CDH18: variants seen among roughly 807,000 people sequenced by gnomAD.
CDH18 encodes cadherin-18.
CDH18 carries 31 observed loss-of-function variants against 67.9 expected under a neutral mutation model. The observed-to-expected ratio is 0.46, with a 90% CI of 0.34 to 0.62. The LOEUF (loss-of-function observed/expected upper bound fraction) is 0.62. CDH18 is among the 20% of genes least tolerant of loss of function. The pLI is 0.01. For missense variants in CDH18, 890 were observed against 975.5 expected (o/e 0.91, Z 1.17); for synonymous variants, 362 against 347.2 (o/e 1.04, Z -0.48).
chr5:20,359,276 A>G (rs1343280344), intron 1 of CDH18, among the ~76,000 whole-genome samples: 1 of 151,984 alleles, frequency 6.6e-6, no homozygotes, highest in Non-Finnish European at 1.5e-5. Flanking sequence ...TAATATCTCT[A>G]CTATTCACAT....
chr5:20,173,990 T>C (rs1737040736), intron 2 of CDH18, among the ~76,000 whole-genome samples: 1 of 152,114 alleles, frequency 6.6e-6, no homozygotes, highest in Non-Finnish European at 1.5e-5. Flanking sequence ...AAATTATATT[T>C]ACCACTTTAG....
chr5:20,151,474 T>C (rs1479746220), intron 2 of CDH18, among the ~76,000 whole-genome samples: 1 of 152,112 alleles, frequency 6.6e-6, no homozygotes, highest in African/African-American at 2.4e-5. Flanking sequence ...CTTTTGGGTA[T>C]AATAATCTGT....
intron 1 of CDH18, among the ~76,000 whole-genome samples, chr5:20,298,525 T>C (rs952975897): frequency 2.6e-5 from 4 of 152,152 alleles, no homozygotes; most frequent in Non-Finnish European, 5.9e-5. Flanking sequence ...TATAAAGATA[T>C]TGCATCTCAA....
At chr5:20,012,606 CT>C (rs1337902774) in intron 2 of CDH18, among the ~76,000 whole-genome samples, 2 of 151,998 alleles carry the variant, frequency 1.3e-5, no homozygotes, top group Admixed American at 6.6e-5. Context: ...CAAACCACTG[CT>C]TAAAGAAATC....
chr5:20,475,145 T>C (rs1180302015), intron 1 of CDH18, among the ~76,000 whole-genome samples: 5 of 152,200 alleles, frequency 3.3e-5, no homozygotes, highest in African/African-American at 1.2e-4. Flanking sequence ...TCAGTATGAC[T>C]GCACATTTTT....
chr5:19,682,831 T>C (rs1170115050), intron 5 of CDH18, among the ~76,000 whole-genome samples: 1 of 152,142 alleles, frequency 6.6e-6, no homozygotes, highest in Non-Finnish European at 1.5e-5. Context: ...CATCCAGCCA[T>C]CTTAAGCAGT....
intron 3 of CDH18, among the ~76,000 whole-genome samples, chr5:19,827,774 A>T (rs899060865): frequency 2.6e-4 from 39 of 152,166 alleles, no homozygotes; most frequent in African/African-American, 9.4e-4. Context: ...CTAAGTGCCC[A>T]CTTCAAAACG....
At chr5:20,430,492 C>G (rs1397822719) in intron 1 of CDH18, among the ~76,000 whole-genome samples, 1 of 152,166 alleles carries the variant, frequency 6.6e-6, no homozygotes, top group Non-Finnish European at 1.5e-5. Flanking sequence ...ATCATGCTAT[C>G]TACACATTTT....
chr5:20,282,811 C>A (rs1746387868), intron 1 of CDH18, among the ~76,000 whole-genome samples: 1 of 151,818 alleles, frequency 6.6e-6, no homozygotes, highest in Admixed American at 6.6e-5. Flanking sequence ...ACACAAAAGA[C>A]CAAAATAGCC....
chr5:20,141,225 A>G (rs1053448935), intron 2 of CDH18, among the ~76,000 whole-genome samples: 8 of 152,192 alleles, frequency 5.3e-5, no homozygotes, highest in African/African-American at 1.9e-4. Context: ...AAGTAGATCT[A>G]TGCATCTAAA....
Position 19,795,506 on chromosome 5 carries a change from T to G in CDH18, c.228+43253A>C, listed in dbSNP as rs548767056. 1.8e-4 allele frequency among the ~76,000 whole-genome samples: 28 copies of G among 152,250 alleles called. 1 individual carries two copies. The highest frequency in any genetic ancestry group is 1.5e-3 in the Admixed American group (23 of 15,274). On this transcript the variant is annotated intron_variant, in intron 3 of 12. Coordinates refer to ENST00000382275, the MANE Select transcript of CDH18 (RefSeq NM_004934.5). Reference sequence around the variant, plus strand: ...TGGCTCCAGATAAACTTAGTAAGACTGAAATAAATATAGGCACTGAAAATA... The same window carrying G: ...TGGCTCCAGATAAACTTAGTAAGACGGAAATAAATATAGGCACTGAAAATA...
intron 11 of CDH18, among the ~76,000 whole-genome samples, chr5:19,492,137 T>C (rs1245020506): frequency 3.3e-5 from 5 of 152,138 alleles, no homozygotes; most frequent in African/African-American, 4.8e-5. Context: ...TAAACAGAGA[T>C]AGAAATGCAC....
chr5:19,879,597 T>C (rs1164301850), intron 2 of CDH18, among the ~76,000 whole-genome samples: 1 of 152,012 alleles, frequency 6.6e-6, no homozygotes, highest in Non-Finnish European at 1.5e-5. Context: ...AGATATAAAG[T>C]ATTCATTAAA....
At chr5:19,951,504 C>T (rs1393283802) in intron 2 of CDH18, among the ~76,000 whole-genome samples, 5 of 152,068 alleles carry the variant, frequency 3.3e-5, no homozygotes, top group Non-Finnish European at 7.4e-5. Context: ...AAGTGTTGGG[C>T]ATCAGTCTAT....
At chr5:19,915,419 A>G (rs1287944565) in intron 2 of CDH18, among the ~76,000 whole-genome samples, 2 of 152,138 alleles carry the variant, frequency 1.3e-5, no homozygotes, top group Admixed American at 1.3e-4. Context: ...TGACTTTCCA[A>G]AACTTAAGTA....
chr5:20,134,929 CT>C (rs976973638), intron 2 of CDH18, among the ~76,000 whole-genome samples: 22 of 152,232 alleles, frequency 1.4e-4, no homozygotes, highest in African/African-American at 5.3e-4. Flanking sequence ...CATCTTGGTG[CT>C]GTGTCCTTCA....
rs114605335 is a variant in CDH18, at chr5:20,235,480, G to A, written c.-518+19964C>T. ...AGTGGGCCAAGGTCATGACAAACAC[G>A]TCTCAAAAGAAGACATACAAACAAC... On this transcript the variant is annotated intron_variant, in intron 2 of 14. Transcript: ENST00000507958. 1.1e-3 allele frequency among the ~76,000 whole-genome samples: 167 copies of A among 152,074 alleles called. 1 individual carries two copies. The highest frequency in any genetic ancestry group is 3.6e-3 in the African/African-American group (150 of 41,522).
At chr5:20,366,722 C>T (rs1215255395) in intron 1 of CDH18, among the ~76,000 whole-genome samples, 4 of 152,154 alleles carry the variant, frequency 2.6e-5, no homozygotes, top group Non-Finnish European at 5.9e-5. Context: ...TAGCATGGTT[C>T]CTGAGTATAT....
In CDH18 at chr5:19,548,711, G is replaced by C. The variant is rs577583973; in HGVS notation, c.1254-4706C>G. On this transcript the variant is annotated intron_variant, in intron 8 of 12. Transcript: ENST00000382275. ...CCAACATTAAGGAGACAGTGCAACA[G>C]ATTAAAATACAATCTAGGTCTACTG... Among the ~76,000 whole-genome samples the C allele has an allele frequency of 9.3e-5, 14 of 150,524 alleles. No homozygotes were observed. In the South Asian group the frequency reaches 2.1e-3, roughly 23 times the overall value.
Sources: allele counts gnomAD v4.1 joint callset (sites outside exome capture counted in the v4.1 genomes callset), GRCh38; gene constraint gnomAD v4.1.1; transcripts MANE v1.5; gene names NCBI Gene and HGNC (gene_info 2026-07-23, HGNC 2026-07-21).